AOAH: variants seen among roughly 807,000 people sequenced by gnomAD.
The protein encoded by AOAH is acyloxyacyl hydrolase, also known as acyloxyacyl hydrolase (neutrophil).
Under a neutral mutation model 92.2 loss-of-function variants are expected in AOAH, and 64 were observed. The observed-to-expected ratio is 0.69, with a 90% CI of 0.57 to 0.86. The LOEUF (loss-of-function observed/expected upper bound fraction) is 0.86, where lower values mean the gene tolerates loss of function less well. Among genes scored for constraint, AOAH ranks in the 40% least tolerant of loss-of-function variants. AOAH has a pLI of 0.00. For missense variants in AOAH, 656 were observed against 694.6 expected (o/e 0.94, Z 0.62); for synonymous variants, 263 against 254.5 (o/e 1.03, Z -0.32).
rs192364694 is a variant in AOAH at position 36,668,197 on chromosome 7, G to T, written c.290+5746C>A. Among the ~76,000 whole-genome samples, 341 of 151,988 alleles carry T rather than the reference G, an allele frequency of 2.2e-3. 2 individuals carry two copies. Among genetic ancestry groups the T allele is most frequent in the African/African-American group, 6.3e-4 (26 of 41,436 alleles). On this transcript the variant is annotated intron_variant, in intron 3 of 20. Coordinates refer to ENST00000617537, the MANE Select transcript of AOAH (RefSeq NM_001637.4). ...CATCAGAAACATGAGAGGTTTTTGT[G>T]TGTGTGTGTGTGTCTCTAATAACTA...
At chr7:36,567,075 G>A (rs1009901702) in intron 13 of AOAH, among the ~76,000 whole-genome samples, 3 of 152,172 alleles carry the variant, frequency 2.0e-5, no homozygotes, top group Non-Finnish European at 4.4e-5. Flanking sequence ...GCCTCTCAAA[G>A]TGCTGGAATT....
At chr7:36,708,731 C>T (rs930997114) in intron 1 of AOAH, among the ~76,000 whole-genome samples, 1 of 152,168 alleles carries the variant, frequency 6.6e-6, no homozygotes, top group East Asian at 1.9e-4. Context: ...TGGGCTTCAA[C>T]TGTGGATCTG....
intron 4 of AOAH, among the ~76,000 whole-genome samples, chr7:36,645,683 G>T (rs1240250314): frequency 4.6e-5 from 7 of 151,818 alleles, no homozygotes; most frequent in African/African-American, 1.7e-4. Flanking sequence ...AGCCTAATTT[G>T]GTTTTTAGGT....
At chr7:36,678,159 A>T (rs1796376848) in intron 2 of AOAH, among the ~76,000 whole-genome samples, 1 of 152,134 alleles carries the variant, frequency 6.6e-6, no homozygotes, top group Non-Finnish European at 1.5e-5. Context: ...CTCCCTTGGG[A>T]TCCTTTTTAG....
At chr7:36,603,108 G>C (rs1790725060) in intron 11 of AOAH, among the ~76,000 whole-genome samples, 1 of 152,142 alleles carries the variant, frequency 6.6e-6, no homozygotes. Context: ...TCCTGATTGG[G>C]TAGGTTTGTG....
intron 13 of AOAH, among the ~76,000 whole-genome samples, chr7:36,575,955 G>A (rs970639908): frequency 3.9e-5 from 6 of 152,240 alleles, no homozygotes; most frequent in African/African-American, 1.4e-4. Flanking sequence ...AGGCTGATTA[G>A]CAATATCTTT....
intron 2 of AOAH, among the ~76,000 whole-genome samples, chr7:36,682,516 C>A (rs191037994): frequency 3.6e-4 from 54 of 151,722 alleles, no homozygotes; most frequent in African/African-American, 1.2e-3. Flanking sequence ...TAAAAGCATG[C>A]CAGAAAGTCA....
chr7:36,540,391 G>A lies in AOAH; in HGVS notation c.1234C>T (p.His412Tyr). The change falls in exon 16 of 21, where the codon CAT (histidine) becomes TAT (tyrosine). Residue 412 changes from histidine to tyrosine, a missense_variant. His to Tyr is a moderately conservative substitution (Grantham distance 83). Coordinates refer to ENST00000617537, the MANE Select transcript of AOAH (RefSeq NM_001637.4). ...HLNSHLPNGS[H>Y]VILYGLPDGT... ...TCTGGTAAGCCATACAAAATAACAT[G>A]GCTGCCATTGGGCAGGTGGGAATTT... 1 of 1,614,094 alleles carries A rather than the reference G, an allele frequency of 6.2e-7. No individual in the cohort carries two copies. The highest frequency in any genetic ancestry group is 8.5e-7 in the Non-Finnish European group (1 of 1,179,942).
chr7:36,612,137 G>T (rs187612240), intron 11 of AOAH, among the ~76,000 whole-genome samples: 236 of 151,944 alleles, frequency 1.6e-3, no homozygotes, highest in African/African-American at 5.3e-3. Flanking sequence ...CACAATATTT[G>T]GTACACACAT....
intron 4 of AOAH, among the ~76,000 whole-genome samples, chr7:36,643,811 G>C (rs1223823293): frequency 6.6e-6 from 1 of 151,978 alleles, no homozygotes; most frequent in Non-Finnish European, 1.5e-5. Context: ...TGTTTAAAAG[G>C]GTGTAGGACT....
intron 5 of AOAH, among the ~76,000 whole-genome samples, chr7:36,636,066 G>T (rs1316910052): frequency 1.3e-5 from 2 of 152,198 alleles, no homozygotes; most frequent in African/African-American, 2.4e-5. Context: ...GTGCTGAAAT[G>T]ATATGGAACC....
chr7:36,689,472 C>T (rs1797252684), intron 1 of AOAH, among the ~76,000 whole-genome samples: 1 of 152,170 alleles, frequency 6.6e-6, no homozygotes. Flanking sequence ...GCACCTTCTG[C>T]TGCATCCTCA....
intron 1 of AOAH, among the ~76,000 whole-genome samples, chr7:36,717,120 C>T (rs1051973504): frequency 2.6e-5 from 4 of 152,088 alleles, no homozygotes; most frequent in African/African-American, 9.7e-5. Context: ...TGGGGCTTTC[C>T]ACAGCTTCAA....
At chr7:36,679,322 T>C (rs1796494111) in intron 2 of AOAH, among the ~76,000 whole-genome samples, 1 of 150,700 alleles carries the variant, frequency 6.6e-6, no homozygotes, top group African/African-American at 2.4e-5. Context: ...AAAAAAAGTA[T>C]TGAGGCCTCA....
At chr7:36,640,694 T>G (rs1385276824) in intron 4 of AOAH, among the ~76,000 whole-genome samples, 1 of 152,184 alleles carries the variant, frequency 6.6e-6, no homozygotes, top group East Asian at 1.9e-4. Flanking sequence ...AGAGTTGTCC[T>G]GCAGCTGCCT....
In AOAH at chr7:36,517,194, C is replaced by CT. The variant is rs1554360899; in HGVS notation, c.1600-3815dup. On this transcript the variant is annotated intron_variant, in intron 20 of 20. Transcript: ENST00000617537. The stretch of plus-strand genomic sequence containing the variant: ...TCTTTCTTTCTTTCTTTCTTTCTTT[C>CT]TTTCTTTCTTTCTTTCTTTCTCTTT... Among the ~76,000 whole-genome samples, 257 of 69,296 alleles carry CT rather than the reference C, an allele frequency of 3.7e-3. 5 individuals are homozygous for CT. Among genetic ancestry groups the CT allele is most frequent in the Middle Eastern group, 0.013 (2 of 156 alleles). 45.5% of individuals were successfully genotyped at this position (69,296 alleles called of 152,430 possible). A position where few individuals can be genotyped will look rare whatever the true frequency, so the allele number is the denominator to read the frequency against.
At chr7:36,711,865 GGACAGAGACCAC>G (rs1212917065) in intron 1 of AOAH, among the ~76,000 whole-genome samples, 2 of 152,076 alleles carry the variant, frequency 1.3e-5, no homozygotes, top group East Asian at 3.9e-4. Flanking sequence ...TTAGGGCTGA[GGACAGAGACCAC>G]CTCCAAAGGC....
intron 12 of AOAH, among the ~76,000 whole-genome samples, chr7:36,591,759 A>G (rs1375646714): frequency 6.6e-6 from 1 of 152,224 alleles, no homozygotes; most frequent in Non-Finnish European, 1.5e-5. Context: ...TAGAAACTCA[A>G]AATGACTGAA....
intron 13 of AOAH, among the ~76,000 whole-genome samples, chr7:36,571,441 C>A (rs889700050): frequency 1.3e-5 from 2 of 152,226 alleles, no homozygotes; most frequent in Non-Finnish European, 2.9e-5. Context: ...CAATCCTTAG[C>A]CCCACCATCC....
Sources: allele counts gnomAD v4.1 joint callset (sites outside exome capture counted in the v4.1 genomes callset), GRCh38; gene constraint gnomAD v4.1.1; transcripts MANE v1.5; gene names NCBI Gene and HGNC (gene_info 2026-07-23, HGNC 2026-07-21).